The following UGP2 variants were observed in gnomAD, a reference collection of about 807,000 sequenced individuals.
UGP2 encodes the protein UTP--glucose-1-phosphate uridylyltransferase.
A neutral mutation model predicts 49.0 loss-of-function variants in UGP2; 40 were observed. That is an observed-to-expected ratio of 0.82 (90% CI 0.63 to 1.06). The LOEUF is 1.06. Among genes scored for constraint, UGP2 ranks in the 50% least tolerant of loss-of-function variants. UGP2 has a pLI of 0.00. For missense variants in UGP2, 460 were observed against 603.5 expected (o/e 0.76, Z 2.49); for synonymous variants, 225 against 213.0 (o/e 1.06, Z -0.49).
chr2:63,859,884 G>A (rs1380819405), intron 3 of UGP2, among the ~76,000 whole-genome samples: 4 of 152,122 alleles, frequency 2.6e-5, no homozygotes, highest in South Asian at 2.1e-4. Context: ...CTTCAACTAC[G>A]TCATGAGTTT....
chr2:63,850,529 G>A (rs1363896114), intron 1 of UGP2, among the ~76,000 whole-genome samples: 1 of 152,152 alleles, frequency 6.6e-6, no homozygotes, highest in African/African-American at 2.4e-5. Flanking sequence ...TAAACTAAAT[G>A]TAAACATATA....
At chr2:63,890,855 C>A (rs566184557) in intron 9 of UGP2, among the ~76,000 whole-genome samples, 1 of 146,162 alleles carries the variant, frequency 6.8e-6, no homozygotes, top group African/African-American at 2.5e-5. Context: ...AAGGGGCTGG[C>A]CATGCTGTGG....
chr2:63,848,082 C>T (rs766247790), intron 1 of UGP2, among the ~76,000 whole-genome samples: 4 of 152,098 alleles, frequency 2.6e-5, no homozygotes, highest in Non-Finnish European at 5.9e-5. Context: ...GAGAAAATTC[C>T]AGCAATATGA....
intron 3 of UGP2, among the ~76,000 whole-genome samples, chr2:63,861,387 G>A (rs1427630450): frequency 6.6e-6 from 1 of 151,994 alleles, no homozygotes; most frequent in Non-Finnish European, 1.5e-5. Context: ...GAGTTCTCTT[G>A]AGCGCTAATT....
chr2:63,855,744 G>T, intron 1 of UGP2: 1 of 398,318 alleles, frequency 2.5e-6, no homozygotes, highest in South Asian at 1.8e-5. Context: ...GTTTTGCCGT[G>T]TTGCCCAGCC....
chr2:63,890,167 A>G lies in UGP2; in HGVS notation c.1401A>G (p.Gly467=), dbSNP rs1671991171. The G allele has an allele frequency of 6.2e-7, 1 of 1,609,568 alleles. No individual in the cohort carries two copies. Among genetic ancestry groups the G allele is most frequent in the Non-Finnish European group, 8.5e-7 (1 of 1,177,692 alleles). The change falls in exon 9 of 10, where the codon GGA becomes GGG. Residue 467 remains glycine, a synonymous_variant. Transcript: ENST00000337130. ...HLTVSGDVTF[G]KNVSLKGTVI... ...CAGTTTCAGGAGATGTGACATTTGG[A>G]AAAAATGTTTCATTAAAGGTATGTT...
chr2:63,874,665 A>C (rs1195687828), intron 3 of UGP2, among the ~76,000 whole-genome samples: 1 of 151,968 alleles, frequency 6.6e-6, no homozygotes, highest in South Asian at 2.1e-4. Context: ...AACTTAGCAG[A>C]GTGGGAGGTG....
intron 3 of UGP2, among the ~76,000 whole-genome samples, chr2:63,881,601 G>C (rs1039228311): frequency 1.3e-5 from 2 of 152,220 alleles, no homozygotes; most frequent in African/African-American, 4.8e-5. Context: ...CTTACTGTAA[G>C]ATGTTTAGAC....
In UGP2 at chr2:63,882,466, A is replaced by G. The variant is rs1159611434; in HGVS notation, c.256A>G (p.Ile86Val). 4 of 1,570,172 alleles carry G rather than the reference A, an allele frequency of 2.5e-6. No individual in the cohort carries two copies. The highest frequency in any genetic ancestry group is 3.5e-6 in the Non-Finnish European group (4 of 1,150,518). Residue 86 changes from isoleucine (I) to valine (V), a missense_variant and splice_region_variant, in exon 4 of 10, where the codon ATT becomes GTT. Physicochemically the swap from Ile to Val is conservative, Grantham distance 29. Around this residue, in one of 2 missense-constraint regions of UGP2, gnomAD observed 143 missense variants for 130.4 expected, o/e 1.10. Coordinates refer to ENST00000337130, the MANE Select transcript of UGP2 (RefSeq NM_006759.4). ...TCCTATAATGTTATTTTTCTTTCAG[A>G]TTCAACCCTATGAAAAGATAAAGGC... ...GKIQRPPEDS[I>V]QPYEKIKARG...
intron 2 of UGP2, chr2:63,856,775 A>G (rs1397564809): frequency 2.1e-6 from 1 of 465,956 alleles, no homozygotes; most frequent in Non-Finnish European, 4.3e-6. Context: ...TATGTCCTGC[A>G]TGCCTTTTCC....
At chr2:63,846,329 T>C (rs929840377) in intron 1 of UGP2, among the ~76,000 whole-genome samples, 2 of 152,202 alleles carry the variant, frequency 1.3e-5, no homozygotes, top group Non-Finnish European at 2.9e-5. Context: ...CTGAGAGTTA[T>C]GGGGTAATCA....
At chr2:63,861,505 A>AT (rs1211372903) in intron 3 of UGP2, among the ~76,000 whole-genome samples, 2 of 151,288 alleles carry the variant, frequency 1.3e-5, no homozygotes, top group African/African-American at 2.4e-5. Flanking sequence ...CACAGGCAAC[A>AT]TAGACCTCAC....
In UGP2 at chr2:63,884,078, C is replaced by G. The variant is rs368189652; in HGVS notation, c.560C>G (p.Thr187Ser). The G allele has an allele frequency of 8.1e-6, 13 of 1,612,614 alleles. No homozygotes were observed. The highest frequency in any genetic ancestry group is 1.3e-5 in the African/African-American group (1 of 74,862). ...AATCATTGTCGTGTGAAAATCTACA[C>G]TTTCAATCAAAGCAGGTACAATGAG... Reference protein sequence around the residue: ...KYNHCRVKIYTFNQSRYPRIN... With the variant: ...KYNHCRVKIYSFNQSRYPRIN... The change falls in exon 5 of 10, where the codon ACT becomes AGT. Residue 187 changes from threonine (T) to serine (S), a missense_variant. Coordinates refer to ENST00000337130, the MANE Select transcript of UGP2 (RefSeq NM_006759.4).
chr2:63,844,060 G>T (rs1270650127), intron 1 of UGP2, among the ~76,000 whole-genome samples: 1 of 152,128 alleles, frequency 6.6e-6, no homozygotes, highest in Non-Finnish European at 1.5e-5. Context: ...GCCTATAGTT[G>T]TCATACATTT....
At chr2:63,855,288 C>T in intron 1 of UGP2, 1 of 343,526 alleles carries the variant, frequency 2.9e-6, no homozygotes, top group Non-Finnish European at 5.7e-6. Context: ...AATTAACAGG[C>T]ATTTGTAAAA....
intron 4 of UGP2, 109 bp downstream of exon 4, chr2:63,882,760 C>A: frequency 8.4e-7 from 1 of 1,192,074 alleles, no homozygotes; most frequent in Non-Finnish European, 1.1e-6. Context: ...AACCAAAGAG[C>A]CTGCTATCTT....
rs2104360746 is a variant in UGP2, at chr2:63,885,790, G to T, written c.777G>T (p.Val259=). 3 of 1,613,554 alleles carry T rather than the reference G, an allele frequency of 1.9e-6. No individual in the cohort carries two copies. Among genetic ancestry groups the T allele is most frequent in the Non-Finnish European group, 2.5e-6 (3 of 1,179,810 alleles). The change falls in exon 6 of 10, where the codon GTG becomes GTT. Residue 259 remains valine, a synonymous_variant. Transcript: ENST00000337130. The part of the protein sequence containing the change: ...VSNIDNLGAT[V]DLYILNHLMN... ...ACATAGATAATCTGGGTGCCACAGT[G>T]GATCTGTATATTCTTAATCATCTAA...
chr2:63,845,651 AT>A (rs1050494367), intron 1 of UGP2, among the ~76,000 whole-genome samples: 2 of 152,000 alleles, frequency 1.3e-5, no homozygotes, highest in African/African-American at 4.8e-5. Flanking sequence ...AGTGAACAAA[AT>A]TTTTTTTGAG....
At chr2:63,890,237 C>T in intron 9 of UGP2, 52 bp downstream of exon 9, 3 of 1,320,006 alleles carry the variant, frequency 2.3e-6, no homozygotes, top group Non-Finnish European at 3.2e-6. Flanking sequence ...ATATAGGTCT[C>T]ATTTTCTAGT....
Sources: gnomAD v4.1 joint callset for allele counts (sites outside exome capture counted in the v4.1 genomes callset) on GRCh38, gnomAD v4.1.1 for gene constraint, gnomAD v4.1.1 regional missense constraint, MANE v1.5 for transcripts, NCBI Gene and HGNC (gene_info 2026-07-23, HGNC 2026-07-21) for gene names.